Variants in SLC35D2 observed in about 807,000 individuals in gnomAD.
SLC35D2 encodes the protein solute carrier family 35 member D2, also known as nucleotide sugar transporter SLC35D2.
A neutral mutation model predicts 41.8 loss-of-function variants in SLC35D2; 43 were observed. That is an observed-to-expected ratio of 1.03 (90% CI 0.81 to 1.33). SLC35D2 has a LOEUF of 1.33. Ranked by LOEUF, SLC35D2 falls within the 40% of genes most tolerant of loss-of-function variation. The probability of loss-of-function intolerance (pLI) is 0.00; values close to 1 mark genes in which losing one functional copy is unlikely to be tolerated. For missense variants in SLC35D2, 380 were observed against 408.4 expected, an observed-to-expected ratio of 0.93 and a Z score of 0.60; for synonymous variants, 150 against 163.9, an observed-to-expected ratio of 0.92 and a Z score of 0.65.
At chr9:96,316,951 A>C (rs1171752423), downstream of SLC35D2, among the ~76,000 whole-genome samples, 1 of 152,126 alleles carries the variant, frequency 6.6e-6, no homozygotes, top group Admixed American at 6.5e-5. Flanking sequence ...ATCCTGGCTA[A>C]CATGGTGAAA....
rs1411710066 is a variant in SLC35D2, at chr9:96,360,230, A to T, written c.280-9T>A. The stretch of plus-strand genomic sequence containing the variant: ...AGAGGCAGAGGAAACAGCTTCCATT[A>T]AAAAAAAAAGAAGAAATATTTGGTT... On this transcript the variant is annotated splice_polypyrimidine_tract_variant and intron_variant, in intron 3 of 11. Coordinates refer to ENST00000253270, the MANE Select transcript of SLC35D2 (RefSeq NM_007001.3). 1 of 979,536 alleles carries T rather than the reference A, an allele frequency of 1.0e-6. No individual in the cohort carries two copies. Among genetic ancestry groups the T allele is most frequent in the East Asian group, 3.7e-5 (1 of 26,996 alleles). The allele number at this position is 979,536 out of a possible 1,614,324, so 60.7% of individuals were successfully genotyped here. A position where few individuals can be genotyped will look rare whatever the true frequency, so the allele number is the denominator to read the frequency against.
intron 6 of SLC35D2, among the ~76,000 whole-genome samples, chr9:96,348,826 C>T (rs867547144): frequency 2.6e-5 from 4 of 152,204 alleles, no homozygotes; most frequent in African/African-American, 4.8e-5. Context: ...ATGTGAAGCA[C>T]GGACTGGATT....
intron 1 of SLC35D2, among the ~76,000 whole-genome samples, chr9:96,383,197 G>T (rs1831281888): frequency 6.6e-6 from 1 of 152,202 alleles, no homozygotes; most frequent in Non-Finnish European, 1.5e-5. Context: ...CTCGCTGGGT[G>T]TATGAAAGAA....
intron 4 of SLC35D2, among the ~76,000 whole-genome samples, chr9:96,352,662 T>G (rs912645021): frequency 3.9e-5 from 6 of 152,206 alleles, no homozygotes; most frequent in Non-Finnish European, 7.4e-5. Flanking sequence ...CCATCCATTC[T>G]AAAGGTTGTG....
intron 4 of SLC35D2, among the ~76,000 whole-genome samples, chr9:96,354,108 A>G (rs1346028283): frequency 6.6e-6 from 1 of 152,232 alleles, no homozygotes; most frequent in Non-Finnish European, 1.5e-5. Context: ...TTATATTTTC[A>G]ATTGCATTCG....
chr9:96,342,180 G>A lies in SLC35D2; in HGVS notation c.684+1724C>T, dbSNP rs142014555. 3.3e-3 allele frequency among the ~76,000 whole-genome samples: 498 copies of A among 151,712 alleles called. 2 individuals are homozygous for A. Among genetic ancestry groups the A allele is most frequent in the Non-Finnish European group, 4.9e-3 (334 of 67,940 alleles). ...GGCTGGAGTGCAATAGCGTGATCTC[G>A]GCTCACTGCAACCTCTGCCTCCCAG... is the stretch of plus-strand genomic sequence containing the variant. On this transcript the variant is annotated intron_variant, in intron 8 of 11. Transcript: ENST00000253270.
chr9:96,348,042 G>A (rs536786387), intron 6 of SLC35D2, among the ~76,000 whole-genome samples: 74 of 152,284 alleles, frequency 4.9e-4, no homozygotes, highest in Non-Finnish European at 9.3e-4. Context: ...CTCTTTCTAT[G>A]GAGTGGCCAT....
chr9:96,326,299 A>G (rs932542939), intron 9 of SLC35D2, among the ~76,000 whole-genome samples: 18 of 152,330 alleles, frequency 1.2e-4, no homozygotes, highest in African/African-American at 4.1e-4. Context: ...CCCATTTGTA[A>G]AAACAGTTGA....
intron 1 of SLC35D2, among the ~76,000 whole-genome samples, chr9:96,379,802 A>C (rs1831113754): frequency 6.6e-6 from 1 of 152,220 alleles, no homozygotes; most frequent in African/African-American, 2.4e-5. Flanking sequence ...ATGTTTATTT[A>C]AAAGGATTAT....
At chr9:96,332,560 C>T (rs1354857016) in intron 9 of SLC35D2, among the ~76,000 whole-genome samples, 1 of 152,056 alleles carries the variant, frequency 6.6e-6, no homozygotes, top group East Asian at 1.9e-4. Context: ...AGGCAGATCA[C>T]CTGAGATCAG....
At position 96,363,001 on chromosome 9, in the gene SLC35D2, G is replaced by T. The variant is rs113124392; in HGVS notation, c.279+1463C>A. Among the ~76,000 whole-genome samples the T allele has an allele frequency of 2.5e-3, 373 of 151,676 alleles. 1 individual carries two copies. The highest frequency in any genetic ancestry group is 8.4e-3 in the African/African-American group (348 of 41,360). On this transcript the variant is annotated intron_variant, in intron 3 of 11. Coordinates refer to ENST00000253270, the MANE Select transcript of SLC35D2 (RefSeq NM_007001.3). ...CCTGCCTCAGTCTCCCGAGTAGCTG[G>T]GACTACAGGTGTGCGCCACCACGCC...
At chr9:96,343,430 A>G (rs1441045940) in intron 8 of SLC35D2, among the ~76,000 whole-genome samples, 1 of 152,268 alleles carries the variant, frequency 6.6e-6, no homozygotes, top group Non-Finnish European at 1.5e-5. Flanking sequence ...ATGAGGACAG[A>G]TAAAATAAGA....
intron 1 of SLC35D2, 97 bp from the exon 2 acceptor site, chr9:96,368,402 A>T (rs932534100): frequency 9.3e-6 from 9 of 965,686 alleles, no homozygotes; most frequent in Non-Finnish European, 1.1e-5. Flanking sequence ...AATCTGAGAA[A>T]ATGAAAATTT....
In SLC35D2 at chr9:96,350,581, C is replaced by T. The variant is rs1040122197; in HGVS notation, c.488+522G>A. 3.3e-5 allele frequency among the ~76,000 whole-genome samples: 5 copies of T among 151,886 alleles called. No individual in the cohort carries two copies. In the South Asian group the frequency reaches 8.3e-4, roughly 25 times the overall value. ...AGAAATCTGAGCACCTGCCTGCCCA[C>T]GAAGACTTGGAGTCCTCGTTATTCC... is the stretch of plus-strand genomic sequence containing the variant. On this transcript the variant is annotated intron_variant, in intron 6 of 11. Transcript: ENST00000253270.
intron 4 of SLC35D2, among the ~76,000 whole-genome samples, chr9:96,356,462 C>T (rs1391943876): frequency 7.5e-6 from 1 of 133,414 alleles, no homozygotes; most frequent in Non-Finnish European, 1.6e-5. Context: ...ATTAAAAAAT[C>T]AAAACTATCT....
At chr9:96,334,241 C>T (rs1828948516) in intron 9 of SLC35D2, among the ~76,000 whole-genome samples, 1 of 152,106 alleles carries the variant, frequency 6.6e-6, no homozygotes, top group Non-Finnish European at 1.5e-5. Context: ...CTAAAGGGAT[C>T]AAGGTCTGGG....
chr9:96,345,825 G>A (rs934574129), intron 6 of SLC35D2, among the ~76,000 whole-genome samples: 1 of 152,136 alleles, frequency 6.6e-6, no homozygotes, highest in Admixed American at 6.5e-5. Flanking sequence ...AAGAGGGGTC[G>A]CATGAGGCAG....
At chr9:96,365,136 T>G (rs942427918) in intron 2 of SLC35D2, among the ~76,000 whole-genome samples, 2 of 151,550 alleles carry the variant, frequency 1.3e-5, no homozygotes, top group African/African-American at 4.8e-5. Flanking sequence ...GGAAGATCAC[T>G]TGAGCCTAGG....
At chr9:96,335,381 G>A (rs1829001451) in intron 9 of SLC35D2, among the ~76,000 whole-genome samples, 1 of 152,164 alleles carries the variant, frequency 6.6e-6, no homozygotes. Flanking sequence ...GTTTGTTTGA[G>A]ATGGAGTCTC....
Sources: allele counts gnomAD v4.1 joint callset (sites outside exome capture counted in the v4.1 genomes callset), GRCh38; gene constraint gnomAD v4.1.1; transcripts MANE v1.5; gene names NCBI Gene and HGNC (gene_info 2026-07-23, HGNC 2026-07-21).